The following COL22A1 variants were observed in gnomAD, a reference collection of about 807,000 sequenced individuals.
The protein encoded by COL22A1 is collagen type XXII alpha 1 chain.
COL22A1 carries 221 observed loss-of-function variants against 248.9 expected under a neutral mutation model. The observed-to-expected ratio is 0.89, with a 90% CI of 0.80 to 0.99. The LOEUF is 0.99. Ranked by LOEUF, COL22A1 falls within the 50% of genes least tolerant of loss-of-function variation. The pLI is 0.00. For synonymous variants in COL22A1, 891 were observed against 793.4 expected, an observed-to-expected ratio of 1.12 and a Z score of -2.07; for missense variants, 2,240 against 2,179.0, an observed-to-expected ratio of 1.03 and a Z score of -0.56.
chr8:138,624,494 G>A (rs761649271), intron 51 of COL22A1, among the ~76,000 whole-genome samples: 8 of 152,082 alleles, frequency 5.3e-5, no homozygotes, highest in Non-Finnish European at 7.4e-5. Flanking sequence ...GAAGGAGGGA[G>A]GGATGGAGAA....
chr8:138,676,715 T>A, intron 40 of COL22A1, 80 bp from the exon 41 acceptor site: 1 of 1,068,390 alleles, frequency 9.4e-7, no homozygotes, highest in Non-Finnish European at 1.4e-6. Context: ...TCATGCTTCT[T>A]CTAGAATCCT....
intron 16 of COL22A1, among the ~76,000 whole-genome samples, chr8:138,768,419 C>A (rs1184185511): frequency 6.6e-6 from 1 of 152,212 alleles, no homozygotes; most frequent in South Asian, 2.1e-4. Context: ...CAACCAACAT[C>A]CGGAGGCAGC....
chr8:138,676,920 T>C (rs1825606604), intron 40 of COL22A1, among the ~76,000 whole-genome samples: 1 of 152,232 alleles, frequency 6.6e-6, no homozygotes, highest in South Asian at 2.1e-4. Context: ...GCCCTCCCCA[T>C]GTGAGCATTG....
In COL22A1 at chr8:138,744,073, G is replaced by C. The variant is rs1241313839; in HGVS notation, c.2086-6496C>G. Reference sequence around the variant, plus strand: ...ACCAGGTGCGCAGGGAAAACCCAGGGTGTCCTGATATAAACCCTGGCTTCA... The same window carrying C: ...ACCAGGTGCGCAGGGAAAACCCAGGCTGTCCTGATATAAACCCTGGCTTCA... On this transcript the variant is annotated intron_variant, in intron 22 of 64. Transcript: ENST00000303045. Among the ~76,000 whole-genome samples the C allele has an allele frequency of 2.0e-5, 3 of 152,170 alleles. No individual in the cohort carries two copies. In the South Asian group the frequency reaches 6.2e-4, roughly 31 times the overall value.
chr8:138,626,682 G>T (rs1820269347), intron 50 of COL22A1, among the ~76,000 whole-genome samples: 1 of 152,096 alleles, frequency 6.6e-6, no homozygotes, highest in Non-Finnish European at 1.5e-5. Flanking sequence ...ACACAAGTGG[G>T]GAGCTGACCG....
chr8:138,623,885 G>T, intron 51 of COL22A1, 100 bp from the exon 52 acceptor site: 1 of 1,019,236 alleles, frequency 9.8e-7, no homozygotes, highest in Non-Finnish European at 1.5e-6. Context: ...GCTTCCAGCA[G>T]TTGCCTTCAC....
chr8:138,905,543 C>A (rs1316714419), intron 1 of COL22A1, among the ~76,000 whole-genome samples: 2 of 152,158 alleles, frequency 1.3e-5, no homozygotes, highest in Non-Finnish European at 2.9e-5. Flanking sequence ...ACCCTGCAGT[C>A]CCTAAGCCAA....
chr8:138,752,924 C>T (rs1832720753), intron 21 of COL22A1, among the ~76,000 whole-genome samples: 1 of 152,234 alleles, frequency 6.6e-6, no homozygotes, highest in African/African-American at 2.4e-5. Context: ...CAGTTGATAT[C>T]AGCATTGGGC....
intron 35 of COL22A1, among the ~76,000 whole-genome samples, chr8:138,691,102 G>A (rs1348270056): frequency 6.6e-6 from 1 of 152,218 alleles, no homozygotes; most frequent in East Asian, 1.9e-4. Context: ...CAGGAGGGCA[G>A]GAGGACTCTG....
chr8:138,629,997 T>C, intron 50 of COL22A1, among the ~76,000 whole-genome samples: 1 of 152,312 alleles, frequency 6.6e-6, no homozygotes, highest in Non-Finnish European at 1.5e-5. Flanking sequence ...AACTTACAGG[T>C]CCAAAGTGGG....
chr8:138,790,484 GGA>G (rs1279489471), intron 12 of COL22A1, among the ~76,000 whole-genome samples: 1 of 152,152 alleles, frequency 6.6e-6, no homozygotes, highest in African/African-American at 2.4e-5. Context: ...CAACACTCTG[GGA>G]GAGAGGCTCC....
chr8:138,625,160 G>T (rs1820132678), intron 51 of COL22A1, among the ~76,000 whole-genome samples: 1 of 152,186 alleles, frequency 6.6e-6, no homozygotes, highest in South Asian at 2.1e-4. Context: ...AGAAAAGGAA[G>T]ATCGAACCTC....
chr8:138,701,311 C>T (rs1027608183), intron 31 of COL22A1, among the ~76,000 whole-genome samples: 1 of 152,168 alleles, frequency 6.6e-6, no homozygotes, highest in Non-Finnish European at 1.5e-5. Context: ...GACTAGGCTA[C>T]AAGCCCTGAC....
intron 1 of COL22A1, among the ~76,000 whole-genome samples, chr8:138,895,574 T>C (rs1476892811): frequency 1.3e-5 from 2 of 151,594 alleles, no homozygotes; most frequent in Non-Finnish European, 2.9e-5. Context: ...GACTAAAAAA[T>C]CAGCAAACTG....
chr8:138,828,779 G>A (rs1236182838), intron 5 of COL22A1, among the ~76,000 whole-genome samples: 2 of 151,714 alleles, frequency 1.3e-5, no homozygotes, highest in Non-Finnish European at 2.9e-5. Context: ...TTTGATCCTC[G>A]TGCTATAACC....
At chr8:138,620,414 A>G (rs1819691781) in intron 52 of COL22A1, 1 of 152,032 alleles carries the variant, frequency 6.6e-6, no homozygotes, top group African/African-American at 2.4e-5. Flanking sequence ...ATTTAGAAAA[A>G]AAAAAAAAAC....
chr8:138,693,619 C>A, intron 35 of COL22A1, 27 bp downstream of exon 35: 1 of 1,567,116 alleles, frequency 6.4e-7, no homozygotes, highest in Non-Finnish European at 8.7e-7. Context: ...GGCTCCCCCA[C>A]GAGGCAGGCC....
At chr8:138,873,533 C>A (rs1009540005) in intron 3 of COL22A1, among the ~76,000 whole-genome samples, 1 of 152,234 alleles carries the variant, frequency 6.6e-6, no homozygotes, top group South Asian at 2.1e-4. Flanking sequence ...TTTGCCCTTG[C>A]GAAGCTTATA....
chr8:138,865,334 G>A (rs935994677), intron 3 of COL22A1, among the ~76,000 whole-genome samples: 3 of 152,160 alleles, frequency 2.0e-5, no homozygotes, highest in South Asian at 2.1e-4. Context: ...TAGTGAGTAT[G>A]TATGTGAGCA....
Sources: allele counts gnomAD v4.1 joint callset (sites outside exome capture counted in the v4.1 genomes callset), GRCh38; gene constraint gnomAD v4.1.1; transcripts MANE v1.5; gene names NCBI Gene and HGNC (gene_info 2026-07-23, HGNC 2026-07-21).